Variants in PIP5K1C observed in about 807,000 individuals in gnomAD.
The protein encoded by PIP5K1C is phosphatidylinositol-4-phosphate 5-kinase type 1 gamma, also known as phosphatidylinositol 4-phosphate 5-kinase type-1 gamma.
PIP5K1C carries 45 observed loss-of-function variants against 80.1 expected under a neutral mutation model. That is an observed-to-expected ratio of 0.56 (90% CI 0.44 to 0.72). The LOEUF (loss-of-function observed/expected upper bound fraction) is 0.72. Among genes scored for constraint, PIP5K1C ranks in the 30% least tolerant of loss-of-function variants. The probability of loss-of-function intolerance (pLI) is 0.00; values close to 1 mark genes in which losing one functional copy is unlikely to be tolerated. For missense variants in PIP5K1C, 753 were observed against 954.6 expected (o/e 0.79, Z 2.78); for synonymous variants, 498 against 420.1 (o/e 1.19, Z -2.27).
At chr19:3,666,619 G>A (rs934950902) in intron 2 of PIP5K1C, among the ~76,000 whole-genome samples, 3 of 151,066 alleles carry the variant, frequency 2.0e-5, no homozygotes, top group African/African-American at 7.3e-5. Flanking sequence ...ACGCACGTAG[G>A]CAAATGAACA....
rs748390114 is a variant in PIP5K1C at position 3,644,212 on chromosome 19, G to A, written c.1385C>T (p.Ala462Val). ...SSPSKKGRGG[A>V]LLAVKPLGPT... The stretch of plus-strand genomic sequence containing the variant: ...CCCCAGCGGTTTCACAGCTAGCAAG[G>A]CTCCGCCGCGCCCCTTCTTGGAGGG... Residue 462 changes from alanine to valine, a missense_variant, in exon 12 of 18, where the codon GCC becomes GTC. By Grantham distance (64) the Ala-to-Val change is moderately conservative. Around this residue, in one of 6 missense-constraint regions of PIP5K1C, gnomAD observed 315 missense variants for 294.5 expected, o/e 1.07. Transcript: ENST00000335312. 1 of 1,612,472 alleles carries A rather than the reference G, an allele frequency of 6.2e-7. No homozygotes were observed. Among genetic ancestry groups the A allele is most frequent in the Non-Finnish European group, 8.5e-7 (1 of 1,179,888 alleles).
At chr19:3,663,509 T>C (rs1197072043) in intron 3 of PIP5K1C, among the ~76,000 whole-genome samples, 1 of 152,134 alleles carries the variant, frequency 6.6e-6, no homozygotes, top group Non-Finnish European at 1.5e-5. Flanking sequence ...TCCATGCCAC[T>C]GGGCACCAAG....
In PIP5K1C at chr19:3,630,262, CA is replaced by C. The variant is rs893465508; in HGVS notation, c.*2904del. On this transcript the variant is annotated 3_prime_UTR_variant, in exon 18 of 18. Coordinates refer to ENST00000335312, the MANE Select transcript of PIP5K1C (RefSeq NM_012398.3). ...GTAGGTGGGCGAGGAACCTGGGATG[CA>C]AACCAGTGTTTGGGGCCAGGAGTGG... 1.3e-5 allele frequency: 2 copies of C among 152,278 alleles called. No individual in the cohort carries two copies. The highest frequency in any genetic ancestry group is 4.8e-5 in the African/African-American group (2 of 41,372). The allele number at this position is 152,278 out of a possible 1,614,324, so 9.4% of individuals were successfully genotyped here. A position where few individuals can be genotyped will look rare whatever the true frequency, so the allele number is the denominator to read the frequency against.
chr19:3,650,292 C>T (rs1460339158), intron 8 of PIP5K1C, among the ~76,000 whole-genome samples: 2 of 152,254 alleles, frequency 1.3e-5, no homozygotes, highest in African/African-American at 4.8e-5. Context: ...CCTATTTCCT[C>T]AGCTGGAAAC....
intron 1 of PIP5K1C, among the ~76,000 whole-genome samples, chr19:3,680,622 T>C (rs1382452793): frequency 1.3e-5 from 2 of 152,208 alleles, no homozygotes; most frequent in African/African-American, 2.4e-5. Flanking sequence ...CAATGTCTAA[T>C]AAGAAAAGGT....
intron 3 of PIP5K1C, among the ~76,000 whole-genome samples, chr19:3,663,767 A>G (rs1022149701): frequency 5.9e-5 from 9 of 152,210 alleles, no homozygotes; most frequent in Admixed American, 1.3e-4. Context: ...GGCCTCATTC[A>G]CTGTTGCTGG....
At chr19:3,682,130 T>A (rs899780915) in intron 1 of PIP5K1C, among the ~76,000 whole-genome samples, 2 of 151,648 alleles carry the variant, frequency 1.3e-5, no homozygotes, top group Admixed American at 6.6e-5. Context: ...ACCCAGCACT[T>A]TGGGAGGCTG....
chr19:3,686,385 A>T (rs1249542587), intron 1 of PIP5K1C, among the ~76,000 whole-genome samples: 2 of 151,516 alleles, frequency 1.3e-5, no homozygotes, highest in African/African-American at 2.4e-5. Context: ...ACGCCACTGC[A>T]CTCCAGCCTG....
At position 3,670,558 on chromosome 19, in the gene PIP5K1C, G is replaced by A. The variant is rs114591243; in HGVS notation, c.95-3205C>T. 2.6e-3 allele frequency among the ~76,000 whole-genome samples: 395 copies of A among 152,352 alleles called. 2 individuals are homozygous for A. The highest frequency in any genetic ancestry group is 9.0e-3 in the African/African-American group (374 of 41,582). ...CCTCAGGCTCCTGGCCTCCAGAGCT[G>A]AGCCAGAACAAACGCCTGTTCAAGG... On this transcript the variant is annotated intron_variant, in intron 1 of 17. Coordinates refer to ENST00000335312, the MANE Select transcript of PIP5K1C (RefSeq NM_012398.3).
intron 1 of PIP5K1C, among the ~76,000 whole-genome samples, chr19:3,686,220 G>C (rs776443829): frequency 6.6e-6 from 1 of 152,014 alleles, no homozygotes; most frequent in Non-Finnish European, 1.5e-5. Flanking sequence ...GACTGACACC[G>C]GTAATCCTAG....
chr19:3,668,862 G>T (rs979093119), intron 1 of PIP5K1C, among the ~76,000 whole-genome samples: 3 of 152,182 alleles, frequency 2.0e-5, no homozygotes, highest in African/African-American at 7.2e-5. Flanking sequence ...CAGGCGGAGG[G>T]AACGGCAGCA....
chr19:3,695,475 C>A (rs1017667508), intron 1 of PIP5K1C, among the ~76,000 whole-genome samples: 1 of 152,200 alleles, frequency 6.6e-6, no homozygotes, highest in Non-Finnish European at 1.5e-5. Flanking sequence ...AGCCATCACG[C>A]CCACTTTACA....
rs115447472 is a variant in PIP5K1C, at chr19:3,672,892, G to A, written c.95-5539C>T. Among the ~76,000 whole-genome samples the A allele has an allele frequency of 5.3e-3, 809 of 151,674 alleles. 2 individuals carry two copies. The highest frequency in any genetic ancestry group is 0.019 in the African/African-American group (787 of 41,324). ...AGGAGAAAGCCCCAGCCCTGGAGGCGGTGGGGGCGGGGGGAGAGTGGGCAG... is the reference window on the plus strand; with the variant it reads ...AGGAGAAAGCCCCAGCCCTGGAGGCAGTGGGGGCGGGGGGAGAGTGGGCAG... On this transcript the variant is annotated intron_variant, in intron 1 of 17. Coordinates refer to ENST00000335312, the MANE Select transcript of PIP5K1C (RefSeq NM_012398.3).
At chr19:3,684,978 T>TGG (rs954249631) in intron 1 of PIP5K1C, among the ~76,000 whole-genome samples, 2 of 152,248 alleles carry the variant, frequency 1.3e-5, no homozygotes, top group African/African-American at 4.8e-5. Context: ...ATTTGCAACT[T>TGG]CCATCCTTTG....
Position 3,653,594 on chromosome 19 carries a change from C to CG in PIP5K1C, c.622-6dup, listed in dbSNP as rs889411512. On this transcript the variant is annotated splice_region_variant and splice_polypyrimidine_tract_variant and intron_variant, in intron 6 of 17. Transcript: ENST00000335312. The stretch of plus-strand genomic sequence containing the variant: ...CCGCGGGTTCTGGTTGAGGTTCTGC[C>CG]GGGGGAAGAGGGCAAGTCGTGGAGG... 8.1e-6 allele frequency: 13 copies of CG among 1,604,212 alleles called. No individual in the cohort carries two copies. The highest frequency in any genetic ancestry group is 1.0e-5 in the Non-Finnish European group (12 of 1,173,038).
At chr19:3,653,614 T>C in intron 6 of PIP5K1C, 25 bp from the exon 7 acceptor site, 2 of 1,594,688 alleles carry the variant, frequency 1.3e-6, no homozygotes, top group Non-Finnish European at 8.6e-7. Context: ...GGGCAAGTCG[T>C]GGAGGGCGGC....
chr19:3,643,528 G>GA (rs1213601347), intron 12 of PIP5K1C, 147 bp from the exon 13 acceptor site: 20 of 901,308 alleles, frequency 2.2e-5, no homozygotes. Context: ...ACACGGCAGG[G>GA]AAGGACGACG....
At chr19:3,695,082 G>A (rs1317722228) in intron 1 of PIP5K1C, among the ~76,000 whole-genome samples, 2 of 152,236 alleles carry the variant, frequency 1.3e-5, no homozygotes, top group Non-Finnish European at 1.5e-5. Context: ...GATTCGGGTG[G>A]GGTCTCACGT....
At position 3,650,841 on chromosome 19, in the gene PIP5K1C, C is replaced by G. The variant is rs187025305; in HGVS notation, c.1127+985G>C. ...GCTCAATCTCAGCTCACTGCAACCT[C>G]CACCTCCTGGGTTCAAGCGATTCTC... On this transcript the variant is annotated intron_variant, in intron 8 of 17. Coordinates refer to ENST00000335312, the MANE Select transcript of PIP5K1C (RefSeq NM_012398.3). 4.1e-3 allele frequency among the ~76,000 whole-genome samples: 628 copies of G among 152,228 alleles called. 2 individuals carry two copies. The highest frequency in any genetic ancestry group is 0.014 in the African/African-American group (584 of 41,532).
Sources: gnomAD v4.1 joint callset for allele counts (sites outside exome capture counted in the v4.1 genomes callset) on GRCh38, gnomAD v4.1.1 for gene constraint, gnomAD v4.1.1 regional missense constraint, MANE v1.5 for transcripts, NCBI Gene and HGNC (gene_info 2026-07-23, HGNC 2026-07-21) for gene names.